DRC7: variants seen among roughly 807,000 people sequenced by gnomAD.
The protein encoded by DRC7 is coiled-coil domain containing 135.
Under a neutral mutation model 104.4 loss-of-function variants are expected in DRC7, and 80 were observed. That is an observed-to-expected ratio of 0.77 (90% CI 0.64 to 0.92). The LOEUF (loss-of-function observed/expected upper bound fraction) is 0.92, where lower values mean the gene tolerates loss of function less well. DRC7 is among the 40% of genes least tolerant of loss of function. The probability of loss-of-function intolerance (pLI) is 0.00; values close to 1 mark genes in which losing one functional copy is unlikely to be tolerated. For synonymous variants in DRC7, 405 were observed against 447.3 expected (o/e 0.91, Z 1.19); for missense variants, 1,034 against 1,141.1 (o/e 0.91, Z 1.35).
intron 17 of DRC7, among the ~76,000 whole-genome samples, chr16:57,730,280 AGTGGGTGGGTGGATGG>A (rs1246973367): frequency 2.4e-5 from 1 of 41,360 alleles, no homozygotes; most frequent in Non-Finnish European, 4.5e-5. Flanking sequence ...TGGATGGATG[AGTGGGTGGGTGGATGG>A]GTGGGTGGGT....
chr16:57,703,526 G>A (rs577434948), intron 6 of DRC7, among the ~76,000 whole-genome samples: 1 of 152,294 alleles, frequency 6.6e-6, no homozygotes, highest in East Asian at 1.9e-4. Flanking sequence ...TTATACCTGG[G>A]TGAGCACCCA....
chr16:57,715,473 GCT>G (rs1173009671), intron 8 of DRC7, among the ~76,000 whole-genome samples: 3 of 152,222 alleles, frequency 2.0e-5, no homozygotes, highest in Non-Finnish European at 4.4e-5. Context: ...TTTGCCGGTT[GCT>G]CTGTCTTTGT....
Position 57,727,377 on chromosome 16 carries a change from A to C in DRC7, c.2164A>C (p.Asn722His). The C allele has an allele frequency of 6.2e-7, 1 of 1,613,358 alleles. No homozygotes were observed. Among genetic ancestry groups the C allele is most frequent in the South Asian group, 1.1e-5 (1 of 91,068 alleles). ...CATCTCCATCTATGACACCAAGCGG[A>C]ATGAGAAGAGCAAGGAATATCGGGA... is the stretch of plus-strand genomic sequence containing the variant. ...LTISIYDTKR[N>H]EKSKEYREAM... is the part of the protein sequence containing the mutation. The change falls in exon 16 of 19, where the codon AAT becomes CAT. Residue 722 changes from asparagine to histidine, a missense_variant. Physicochemically the swap from Asn to His is moderately conservative, Grantham distance 68. Coordinates refer to ENST00000360716, the MANE Select transcript of DRC7 (RefSeq NM_001289162.2).
intron 8 of DRC7, among the ~76,000 whole-genome samples, chr16:57,708,200 A>G (rs565588940): frequency 6.6e-6 from 1 of 152,278 alleles, no homozygotes; most frequent in African/African-American, 2.4e-5. Context: ...TTGAATTATC[A>G]CACACTGAAC....
chr16:57,724,548 C>G, intron 12 of DRC7, 67 bp from the exon 13 acceptor site: 2 of 1,250,522 alleles, frequency 1.6e-6, no homozygotes, highest in Non-Finnish European at 2.2e-6. Flanking sequence ...GTTGGGCGAC[C>G]AAGCCAGCAG....
At position 57,697,941 on chromosome 16, in the gene DRC7, C is replaced by T. The variant is rs760475166; in HGVS notation, c.-9C>T. ...CATTCCATCTCCAGACACCCAGAGA[C>T]GCTCCAGAATGGAGGTCCTGAGGGA... is the stretch of plus-strand genomic sequence containing the variant. On this transcript the variant is annotated 5_prime_UTR_variant, in exon 3 of 19. In the 5' UTR this introduces an upstream ATG that the reference lacks. Transcript: ENST00000360716. 97 of 1,610,398 alleles carry T rather than the reference C, an allele frequency of 6.0e-5. No homozygotes were observed. Among genetic ancestry groups the T allele is most frequent in the African/African-American group, 2.0e-4 (15 of 74,920 alleles).
At chr16:57,727,450 A>AC (rs1313692634) in intron 16 of DRC7, 41 bp downstream of exon 16, 21 of 1,478,304 alleles carry the variant, frequency 1.4e-5, no homozygotes, top group Admixed American at 3.4e-5. Flanking sequence ...CTTTTCCTAG[A>AC]CCCCCCTGGT....
chr16:57,700,119 C>G lies in DRC7; in HGVS notation c.379-26C>G, dbSNP rs760273237. ...TCACAAGTTCTTATTGCCTTGACCC[C>G]ACTGGCACCATCTCTCTCCTTGCAG... On this transcript the variant is annotated intron_variant, in intron 4 of 18. Coordinates refer to ENST00000360716, the MANE Select transcript of DRC7 (RefSeq NM_001289162.2). The G allele has an allele frequency of 3.1e-6, 5 of 1,610,956 alleles. No homozygotes were observed. The East Asian group carries it at 8.9e-5, about 29-fold the overall frequency.
intron 17 of DRC7, among the ~76,000 whole-genome samples, chr16:57,729,220 G>A (rs1214203372): frequency 7.2e-5 from 10 of 137,974 alleles, no homozygotes; most frequent in Non-Finnish European, 1.4e-4. Flanking sequence ...ATGAATGGAT[G>A]AGTGGGTGGG....
At chr16:57,705,324 T>A (rs1420532792) in intron 7 of DRC7, among the ~76,000 whole-genome samples, 1 of 151,970 alleles carries the variant, frequency 6.6e-6, no homozygotes, top group Non-Finnish European at 1.5e-5. Context: ...GGGATATACC[T>A]GCATACACCC....
intron 16 of DRC7, 120 bp from the exon 17 acceptor site, chr16:57,728,270 G>A (rs534280194): frequency 3.3e-6 from 3 of 906,040 alleles, no homozygotes; most frequent in Admixed American, 5.5e-5. Context: ...TCTTGGAGGC[G>A]CCATGCACTG....
intron 8 of DRC7, among the ~76,000 whole-genome samples, chr16:57,708,552 C>T (rs1009456340): frequency 5.3e-5 from 8 of 152,250 alleles, no homozygotes; most frequent in South Asian, 4.1e-4. Flanking sequence ...TGAATAATGC[C>T]GCCATGAATA....
At chr16:57,710,226 T>C (rs984901792) in intron 8 of DRC7, among the ~76,000 whole-genome samples, 2 of 152,272 alleles carry the variant, frequency 1.3e-5, no homozygotes, top group Admixed American at 6.5e-5. Context: ...GGTTTCAGTG[T>C]ACAGTTCTTG....
rs1030895249 is a variant in DRC7, at chr16:57,697,807, C to G, written c.-37-106C>G. 12 of 1,277,130 alleles carry G rather than the reference C, an allele frequency of 9.4e-6. No individual in the cohort carries two copies. In the African/African-American group the frequency reaches 1.5e-4, roughly 16 times the overall value. The allele number at this position is 1,277,130 out of a possible 1,614,324, so 79.1% of individuals were successfully genotyped here. On this transcript the variant is annotated intron_variant, in intron 2 of 18. Transcript: ENST00000360716. The stretch of plus-strand genomic sequence containing the variant: ...GGAATCACTCCCTATGTGTTCGACA[C>G]CTCCTCAAAACCATCTCCCAGGCCT...
intron 17 of DRC7, among the ~76,000 whole-genome samples, chr16:57,729,954 A>G (rs188105862): frequency 2.7e-3 from 217 of 81,152 alleles, no homozygotes; most frequent in Non-Finnish European, 4.0e-3. Flanking sequence ...GGGTGGGTGG[A>G]TGGATGGATG....
At chr16:57,730,681 G>T (rs2049050933) in intron 17 of DRC7, among the ~76,000 whole-genome samples, 1 of 133,150 alleles carries the variant, frequency 7.5e-6, no homozygotes. Flanking sequence ...AGAGCTACAT[G>T]GCTCTCTCAG....
chr16:57,726,998 G>T, intron 15 of DRC7, 56 bp downstream of exon 15: 1 of 1,115,830 alleles, frequency 9.0e-7, no homozygotes, highest in Admixed American at 1.9e-5. Context: ...TTGAGATAGG[G>T]TCTCGCTCTA....
chr16:57,700,018 T>C, intron 4 of DRC7, 127 bp from the exon 5 acceptor site: 2 of 1,103,074 alleles, frequency 1.8e-6, no homozygotes, highest in East Asian at 2.5e-5. Flanking sequence ...CCCCAGGTCA[T>C]GTGGGCCTGG....
In DRC7 at chr16:57,698,980, C is replaced by T. The variant is rs367931148; in HGVS notation, c.334C>T (p.Arg112Cys). 9.9e-6 allele frequency: 16 copies of T among 1,614,080 alleles called. No homozygotes were observed. Among genetic ancestry groups the T allele is most frequent in the Admixed American group, 5.0e-5 (3 of 60,008 alleles). The change falls in exon 4 of 19, where the codon CGC becomes TGC. Residue 112 changes from arginine (R) to cysteine (C), a missense_variant. By Grantham distance (180) the Arg-to-Cys change is radical. Transcript: ENST00000360716. ...SRQYSHLCPDRVPLFLHPLNE... is the reference protein window; with the variant it reads ...SRQYSHLCPDCVPLFLHPLNE... Reference sequence around the variant, plus strand: ...CCAGTACAGCCATCTGTGCCCGGACCGCGTGCCCCTCTTCCTGCACCCCCT... The same window carrying T: ...CCAGTACAGCCATCTGTGCCCGGACTGCGTGCCCCTCTTCCTGCACCCCCT...
Sources: allele counts gnomAD v4.1 joint callset (sites outside exome capture counted in the v4.1 genomes callset), GRCh38; gene constraint gnomAD v4.1.1; transcripts MANE v1.5; gene names NCBI Gene and HGNC (gene_info 2026-07-23, HGNC 2026-07-21).